The following CDH4 variants were observed in gnomAD, a reference collection of about 807,000 sequenced individuals.
CDH4 encodes the protein cadherin-4.
Under a neutral mutation model 86.0 loss-of-function variants are expected in CDH4, and 33 were observed. That is an observed-to-expected ratio of 0.38 (90% confidence interval 0.29 to 0.51). The LOEUF (loss-of-function observed/expected upper bound fraction) is 0.51. Among genes scored for constraint, CDH4 ranks in the 20% least tolerant of loss-of-function variants. The probability of loss-of-function intolerance (pLI) is 0.86; values close to 1 mark genes in which losing one functional copy is unlikely to be tolerated. For synonymous variants in CDH4, 555 were observed against 549.4 expected, an observed-to-expected ratio of 1.01 and a Z score of -0.14; for missense variants, 1,114 against 1,307.4, an observed-to-expected ratio of 0.85 and a Z score of 2.28.
chr20:61,743,439 C>T, intron 2 of CDH4, 124 bp from the exon 3 acceptor site: 1 of 695,264 alleles, frequency 1.4e-6, no homozygotes, highest in Non-Finnish European at 2.5e-6. Context: ...GTGGAGAAAT[C>T]AGTGCAAACC....
intron 2 of CDH4, among the ~76,000 whole-genome samples, chr20:61,504,530 A>G (rs1335208071): frequency 6.6e-6 from 1 of 152,022 alleles, no homozygotes; most frequent in Non-Finnish European, 1.5e-5. Flanking sequence ...AGAGGTTGTG[A>G]CTGCCCAAGA....
chr20:61,658,152 C>T (rs962884976), intron 2 of CDH4, among the ~76,000 whole-genome samples: 4 of 152,128 alleles, frequency 2.6e-5, no homozygotes, highest in East Asian at 1.9e-4. Context: ...AGGCTGCTCT[C>T]GCTTCCAGAT....
intron 2 of CDH4, among the ~76,000 whole-genome samples, chr20:61,306,333 T>C (rs778787103): frequency 1.4e-5 from 1 of 71,218 alleles, no homozygotes; most frequent in Non-Finnish European, 2.7e-5. Context: ...AGTTTTCTTT[T>C]TTCTTTCTTT....
At chr20:61,406,908 T>TCTGCCCGGACCACCATCTGCC (rs1374688328) in intron 2 of CDH4, among the ~76,000 whole-genome samples, 7 of 147,780 alleles carry the variant, frequency 4.7e-5, no homozygotes, top group African/African-American at 1.8e-4. Context: ...CACCATCTGC[T>TCTGCCCGGACCACCATCTGCC]CTGCCTGGAC....
chr20:61,846,467 A>G (rs1982461018), intron 5 of CDH4, among the ~76,000 whole-genome samples: 1 of 152,176 alleles, frequency 6.6e-6, no homozygotes, highest in Admixed American at 6.5e-5. Context: ...CTTACTGCCA[A>G]GAAATAGCTA....
chr20:61,515,084 C>T (rs78139716), intron 2 of CDH4, among the ~76,000 whole-genome samples: 3,735 of 152,346 alleles, frequency 0.025, 63 homozygotes, highest in Non-Finnish European at 0.04. Context: ...GATCATGTAG[C>T]GAGTTCAGAG....
chr20:61,750,108 T>C (rs2088472675), intron 3 of CDH4, among the ~76,000 whole-genome samples: 1 of 151,618 alleles, frequency 6.6e-6, no homozygotes, highest in Non-Finnish European at 1.5e-5. Flanking sequence ...CTCAAGAAAC[T>C]ATAAAAATAA....
At chr20:61,384,583 T>C (rs2084941259) in intron 2 of CDH4, among the ~76,000 whole-genome samples, 2 of 152,192 alleles carry the variant, frequency 1.3e-5, no homozygotes, top group South Asian at 2.1e-4. Context: ...CTGCGTCTTC[T>C]ACCCTTTTCT....
At chr20:61,572,987 TAGAC>T (rs1335191259) in intron 2 of CDH4, among the ~76,000 whole-genome samples, 6 of 148,244 alleles carry the variant, frequency 4.0e-5, no homozygotes, top group African/African-American at 7.6e-5. Flanking sequence ...GATGGACGGA[TAGAC>T]GGACGGACGG....
intron 2 of CDH4, among the ~76,000 whole-genome samples, chr20:61,534,522 G>C (rs575292323): frequency 6.6e-6 from 1 of 152,320 alleles, no homozygotes; most frequent in African/African-American, 2.4e-5. Context: ...CTCCCAGCCA[G>C]CTGTCTGCAG....
intron 4 of CDH4, among the ~76,000 whole-genome samples, chr20:61,821,332 C>T (rs1329189918): frequency 2.1e-5 from 3 of 139,550 alleles, no homozygotes; most frequent in Non-Finnish European, 3.1e-5. Context: ...CTACACAGCC[C>T]CCACCCCAGC....
rs375918778 is a variant in CDH4 at position 61,465,606 on chromosome 20, T to G, written c.169+210669T>G. 7.2e-5 allele frequency among the ~76,000 whole-genome samples: 11 copies of G among 152,338 alleles called. No homozygotes were observed. In the East Asian group the frequency reaches 1.9e-3, roughly 27 times the overall value. On this transcript the variant is annotated intron_variant, in intron 2 of 15. Transcript: ENST00000614565. ...AATGCATCCGAAGGGAATTGCATCTTGGTGGACATATGTTTGAACTGTTGT... is the reference window on the plus strand; with the variant it reads ...AATGCATCCGAAGGGAATTGCATCTGGGTGGACATATGTTTGAACTGTTGT...
Position 61,852,758 on chromosome 20 carries a change from G to T in CDH4, c.737G>T (p.Arg246Leu), listed in dbSNP as rs368984125. The T allele has an allele frequency of 6.2e-7, 1 of 1,609,444 alleles. No homozygotes were observed. The part of the protein sequence containing the change: ...DREEHASYHL[R>L]AHAVDMNGNK... ...CTGTCTCTGCTGCTTTTCCAGCTCC[G>T]AGCCCACGCTGTGGACATGAATGGC... The change falls in exon 6 of 16, where the codon CGA becomes CTA. Residue 246 changes from arginine to leucine, a missense_variant. By Grantham distance (102) the Arg-to-Leu change is moderately radical. This residue lies in a region of CDH4 where 705 missense variants were observed against 914.1 expected (regional missense o/e 0.77). Transcript: ENST00000614565.
intron 2 of CDH4, among the ~76,000 whole-genome samples, chr20:61,351,580 G>C (rs1250715168): frequency 6.6e-6 from 1 of 152,206 alleles, no homozygotes; most frequent in East Asian, 1.9e-4. Flanking sequence ...TATGTGTATG[G>C]GGGGGACGTG....
At chr20:61,564,430 G>A (rs570874531) in intron 2 of CDH4, among the ~76,000 whole-genome samples, 3 of 152,216 alleles carry the variant, frequency 2.0e-5, no homozygotes, top group South Asian at 2.1e-4. Context: ...ATGGTTTAGC[G>A]CCTTCCCCTC....
intron 2 of CDH4, among the ~76,000 whole-genome samples, chr20:61,511,703 C>T (rs183395325): frequency 1.3e-5 from 2 of 152,274 alleles, no homozygotes; most frequent in Admixed American, 6.5e-5. Flanking sequence ...TCATGTTTGG[C>T]GAGTGTCTGG....
chr20:61,644,984 G>A (rs905325887), intron 2 of CDH4, among the ~76,000 whole-genome samples: 2 of 152,210 alleles, frequency 1.3e-5, no homozygotes, highest in Non-Finnish European at 2.9e-5. Flanking sequence ...GTGGGCGCCG[G>A]CTCTCTGTGT....
intron 2 of CDH4, among the ~76,000 whole-genome samples, chr20:61,357,350 C>T (rs957012195): frequency 1.3e-5 from 2 of 151,858 alleles, no homozygotes; most frequent in African/African-American, 4.8e-5. Flanking sequence ...ACACCCACTG[C>T]TCACCCTGCC....
intron 9 of CDH4, among the ~76,000 whole-genome samples, chr20:61,919,527 G>T (rs1039644656): frequency 1.1e-4 from 17 of 152,274 alleles, no homozygotes; most frequent in African/African-American, 4.1e-4. Context: ...GCCTGCAGGT[G>T]GTTCACGAGG....
Sources: allele counts gnomAD v4.1 joint callset (sites outside exome capture counted in the v4.1 genomes callset), GRCh38; gene constraint gnomAD v4.1.1; regional missense constraint gnomAD v4.1.1; transcripts MANE v1.5; gene names NCBI Gene and HGNC (gene_info 2026-07-23, HGNC 2026-07-21).